The following LRIT3 variants were observed in gnomAD, a reference collection of about 807,000 sequenced individuals.
LRIT3 encodes leucine rich repeat, Ig-like and transmembrane domains 3.
A neutral mutation model predicts 22.6 loss-of-function variants in LRIT3; 14 were observed. The ratio of observed to expected loss-of-function variants is 0.62; its 90% CI spans 0.41 to 0.97. The LOEUF is 0.97. LRIT3 is among the 50% of genes least tolerant of loss of function. The pLI, the probability that LRIT3 is intolerant of heterozygous loss-of-function variation, is 0.00. For synonymous variants in LRIT3, 306 were observed against 304.5 expected (o/e 1.01, Z -0.05); for missense variants, 783 against 803.0 (o/e 0.98, Z 0.30).
chr4:109,848,275 G>C lies in LRIT3; in HGVS notation c.74G>C (p.Cys25Ser), dbSNP rs1734121662. The stretch of plus-strand genomic sequence containing the variant: ...GTGGGCTGTTTGTGTCCTTCACAGT[G>C]CACCTGTGATTATCACGGCAGAAAT... ...EGVGCLCPSQCTCDYHGRNDG... is the reference protein window; with the variant it reads ...EGVGCLCPSQSTCDYHGRNDG... The change falls in exon 1 of 4, where the codon TGC (cysteine) becomes TCC (serine). Residue 25 changes from cysteine to serine, a missense_variant. Transcript: ENST00000594814. 6 of 1,231,760 alleles carry C rather than the reference G, an allele frequency of 4.9e-6. No homozygotes were observed. Among genetic ancestry groups the C allele is most frequent in the Admixed American group, 4.2e-5 (1 of 23,698 alleles). 76.3% of individuals were successfully genotyped at this position (1,231,760 alleles called of 1,614,324 possible).
intron 1 of LRIT3, among the ~76,000 whole-genome samples, chr4:109,850,364 T>C (rs1030449778): frequency 1.2e-3 from 1 of 824 alleles, no homozygotes. Flanking sequence ...TCTTCCTTCC[T>C]TCCTTCCTTC....
At chr4:109,864,979 T>C in intron 2 of LRIT3, 2 of 983,594 alleles carry the variant, frequency 2.0e-6, no homozygotes, top group Non-Finnish European at 2.8e-6. Context: ...AGCACCTCAA[T>C]CAATAGAGAT....
chr4:109,865,011 T>C, intron 2 of LRIT3: 2 of 1,293,684 alleles, frequency 1.5e-6, no homozygotes, highest in Non-Finnish European at 2.0e-6. Context: ...AAATTAGGCA[T>C]TCTATCATAT....
intron 2 of LRIT3, among the ~76,000 whole-genome samples, chr4:109,854,813 C>A (rs150629350): frequency 2.6e-5 from 4 of 152,144 alleles, no homozygotes; most frequent in African/African-American, 9.7e-5. Context: ...GCCTTTTCTG[C>A]GACTATTGAG....
rs1734712371 is a variant in LRIT3 at position 109,867,549 on chromosome 4, AG to A, written c.590-91del. On this transcript the variant is annotated intron_variant, in intron 2 of 3. Coordinates refer to ENST00000594814, the MANE Select transcript of LRIT3 (RefSeq NM_198506.5). ...CCTCAAAGCACTTCTGTTTATAGGG[AG>A]ACAGTGTAGATCCCTACTTTCTCAA... 3 of 1,179,378 alleles carry A rather than the reference AG, an allele frequency of 2.5e-6. No homozygotes were observed. In the East Asian group the frequency reaches 7.1e-5, roughly 28 times the overall value. The allele number at this position is 1,179,378 out of a possible 1,614,324, so 73.1% of individuals were successfully genotyped here.
chr4:109,851,608 C>G lies in LRIT3; in HGVS notation c.221C>G (p.Ala74Gly). 6.4e-7 allele frequency: 1 copy of G among 1,551,738 alleles called. No homozygotes were observed. Among genetic ancestry groups the G allele is most frequent in the Non-Finnish European group, 8.7e-7 (1 of 1,147,006 alleles). Reference protein sequence around the residue: ...IEKTVIRRISAEAFYYLVELQ... With the variant: ...IEKTVIRRISGEAFYYLVELQ... ...AAGACTGTCATCCGCAGAATCTCTG[C>G]GGAGGCCTTCTATTACCTGGTGGAG... The change falls in exon 2 of 4, where the codon GCG (alanine) becomes GGG (glycine). Residue 74 changes from alanine (A) to glycine (G), a missense_variant. Physicochemically the swap from Ala to Gly is moderately conservative, Grantham distance 60. Around this residue, in one of 2 missense-constraint regions of LRIT3, gnomAD observed 756 missense variants for 753.8 expected, o/e 1.00. Transcript: ENST00000594814.
chr4:109,865,095 A>G (rs1734643628), intron 2 of LRIT3: 5 of 1,414,246 alleles, frequency 3.5e-6, no homozygotes, highest in African/African-American at 2.9e-5. Context: ...CTTTTAGTCT[A>G]TGATCATTAT....
chr4:109,869,901 A>C lies in LRIT3; in HGVS notation c.1152A>C (p.Ser384=). 2 of 1,614,070 alleles carry C rather than the reference A, an allele frequency of 1.2e-6. No individual in the cohort carries two copies. Among genetic ancestry groups the C allele is most frequent in the Non-Finnish European group, 1.7e-6 (2 of 1,180,010 alleles). ...CTACATCTGTATCTAGCGCATCATC[A>C]TATCTTTGGTCCTCTTCCTTCTCCC... ...GRSTSVSSAS[S]YLWSSSFSPT... is the part of the protein sequence containing the mutation. The change falls in exon 4 of 4, where the codon TCA becomes TCC. Residue 384 remains serine (S), a synonymous_variant. Transcript: ENST00000594814.
chr4:109,864,117 C>T (rs1464611985), intron 2 of LRIT3, among the ~76,000 whole-genome samples: 1 of 151,938 alleles, frequency 6.6e-6, no homozygotes, highest in African/African-American at 2.4e-5. Context: ...ATGAGCATAG[C>T]TTTTATATAT....
intron 2 of LRIT3, among the ~76,000 whole-genome samples, chr4:109,859,418 A>G (rs1734482125): frequency 6.6e-6 from 1 of 152,212 alleles, no homozygotes; most frequent in Non-Finnish European, 1.5e-5. Context: ...GTAATTTCTA[A>G]CAGAGCCTTA....
chr4:109,867,812 C>T lies in LRIT3; in HGVS notation c.761C>T (p.Pro254Leu). 6.2e-7 allele frequency: 1 copy of T among 1,614,148 alleles called. No homozygotes were observed. The highest frequency in any genetic ancestry group is 1.7e-5 in the Admixed American group (1 of 60,024). Residue 254 changes from proline to leucine, a missense_variant, in exon 3 of 4, where the codon CCA becomes CTA. By Grantham distance (98) the Pro-to-Leu change is moderately conservative. Coordinates refer to ENST00000594814, the MANE Select transcript of LRIT3 (RefSeq NM_198506.5). ...GCTGAATTGGAGCATTGTCTGAAACCATCAGTGATGACCTCAGCCACCAAA... is the reference window on the plus strand; with the variant it reads ...GCTGAATTGGAGCATTGTCTGAAACTATCAGTGATGACCTCAGCCACCAAA... ...QRAELEHCLKPSVMTSATKIM... is the reference protein window; with the variant it reads ...QRAELEHCLKLSVMTSATKIM...
chr4:109,851,926 T>C lies in LRIT3; in HGVS notation c.539T>C (p.Val180Ala). The C allele has an allele frequency of 6.4e-7, 1 of 1,551,554 alleles. No individual in the cohort carries two copies. ...PDFLESWTHL[V>A]STPSGVLDLS... ...TTCCTGGAGAGCTGGACTCATTTAG[T>C]TTCAACACCTTCTGGAGTCCTGGAC... Residue 180 changes from valine to alanine, a missense_variant, in exon 2 of 4, where the codon GTT becomes GCT. Transcript: ENST00000594814.
At chr4:109,856,415 A>G (rs907760539) in intron 2 of LRIT3, among the ~76,000 whole-genome samples, 11 of 152,116 alleles carry the variant, frequency 7.2e-5, no homozygotes, top group African/African-American at 2.7e-4. Flanking sequence ...CACAGAACAA[A>G]ATTACCGATA....
At chr4:109,866,627 TCC>T (rs1734686660) in intron 2 of LRIT3, among the ~76,000 whole-genome samples, 1 of 152,180 alleles carries the variant, frequency 6.6e-6, no homozygotes, top group Non-Finnish European at 1.5e-5. Context: ...TGTGGAACTA[TCC>T]TTAGGTAGAC....
At chr4:109,859,016 G>A (rs1221724062) in intron 2 of LRIT3, among the ~76,000 whole-genome samples, 2 of 152,170 alleles carry the variant, frequency 1.3e-5, no homozygotes, top group Non-Finnish European at 2.9e-5. Context: ...AATTGGAAAA[G>A]GTGTCAACTG....
chr4:109,870,811 G>A lies in LRIT3; in HGVS notation c.*22G>A. The A allele has an allele frequency of 1.3e-6, 2 of 1,551,340 alleles. No individual in the cohort carries two copies. The highest frequency in any genetic ancestry group is 1.7e-6 in the Non-Finnish European group (2 of 1,148,550). Reference sequence around the variant, plus strand: ...CTAAGGTTCTGCAGCTCAGGTGCATGTGAGCTACAAAACTAGCATCTAAGG... The same window carrying A: ...CTAAGGTTCTGCAGCTCAGGTGCATATGAGCTACAAAACTAGCATCTAAGG... On this transcript the variant is annotated 3_prime_UTR_variant, in exon 4 of 4. Coordinates refer to ENST00000594814, the MANE Select transcript of LRIT3 (RefSeq NM_198506.5).
chr4:109,871,723 C>A lies in LRIT3; in HGVS notation c.*934C>A, dbSNP rs1199137537. 4 of 152,130 alleles carry A rather than the reference C, an allele frequency of 2.6e-5. No homozygotes were observed. Among genetic ancestry groups the A allele is most frequent in the African/African-American group, 9.7e-5 (4 of 41,430 alleles). The allele number at this position is 152,130 out of a possible 1,614,324, so 9.4% of individuals were successfully genotyped here. ...AGAAAGCTTTTGAAATTACTTACTG[C>A]CCTTTGAAAGTCTGTTTTACAACCC... is the stretch of plus-strand genomic sequence containing the variant. On this transcript the variant is annotated 3_prime_UTR_variant, in exon 4 of 4. Coordinates refer to ENST00000594814, the MANE Select transcript of LRIT3 (RefSeq NM_198506.5).
rs1479270315 is a variant in LRIT3, at chr4:109,851,664, G to T, written c.277G>T (p.Val93Leu). Residue 93 changes from valine (V) to leucine (L), a missense_variant, in exon 2 of 4, where the codon GTG becomes TTG. By Grantham distance (32) the Val-to-Leu change is conservative. Coordinates refer to ENST00000594814, the MANE Select transcript of LRIT3 (RefSeq NM_198506.5). ...LQYLWVTYNS[V>L]ASIDPSSFYN... ...GTATCTCTGGGTGACTTACAATTCCGTGGCCAGCATTGACCCCAGCAGCTT... is the reference window on the plus strand; with the variant it reads ...GTATCTCTGGGTGACTTACAATTCCTTGGCCAGCATTGACCCCAGCAGCTT... 3 of 1,551,638 alleles carry T rather than the reference G, an allele frequency of 1.9e-6. No individual in the cohort carries two copies. In the Admixed American group the frequency reaches 5.9e-5, roughly 30 times the overall value.
chr4:109,862,585 A>G lies in LRIT3; in HGVS notation c.590-5056A>G, dbSNP rs1426336084. On this transcript the variant is annotated intron_variant, in intron 2 of 3. Coordinates refer to ENST00000594814, the MANE Select transcript of LRIT3 (RefSeq NM_198506.5). ...ATTTTTTAAAGAATTTTCTTTCACC[A>G]TTAATACATTTTTTAATAATTTCAA... is the stretch of plus-strand genomic sequence containing the variant. Among the ~76,000 whole-genome samples the G allele has an allele frequency of 2.0e-5, 3 of 152,360 alleles. No individual in the cohort carries two copies. In the South Asian group the frequency reaches 6.2e-4, roughly 32 times the overall value.
Sources: gnomAD v4.1 joint callset for allele counts (sites outside exome capture counted in the v4.1 genomes callset) on GRCh38, gnomAD v4.1.1 for gene constraint, gnomAD v4.1.1 regional missense constraint, MANE v1.5 for transcripts, NCBI Gene and HGNC (gene_info 2026-07-23, HGNC 2026-07-21) for gene names.